Variants in SLC39A11 observed in about 807,000 individuals in gnomAD.
SLC39A11 encodes zinc transporter ZIP11.
A neutral mutation model predicts 36.1 loss-of-function variants in SLC39A11; 33 were observed. That is an observed-to-expected ratio of 0.91 (90% CI 0.69 to 1.22). The LOEUF (loss-of-function observed/expected upper bound fraction) is 1.22. SLC39A11 is among the 50% of genes most tolerant of loss of function. The pLI is 0.00. For synonymous variants in SLC39A11, 166 were observed against 170.3 expected (o/e 0.97, Z 0.20); for missense variants, 432 against 430.3 (o/e 1.00, Z -0.03).
intron 3 of SLC39A11, among the ~76,000 whole-genome samples, chr17:73,081,918 T>C (rs974326607): frequency 2.0e-5 from 3 of 150,802 alleles, no homozygotes; most frequent in African/African-American, 4.9e-5. Context: ...GGAGCTAAGC[T>C]AGGCATAAGA....
At chr17:72,941,024 C>T (rs778185175) in intron 5 of SLC39A11, among the ~76,000 whole-genome samples, 1 of 152,164 alleles carries the variant, frequency 6.6e-6, no homozygotes, top group Non-Finnish European at 1.5e-5. Context: ...GGAAAGACCA[C>T]GCTTTGGGAG....
At chr17:72,686,441 G>A (rs758144275) in intron 7 of SLC39A11, among the ~76,000 whole-genome samples, 4 of 152,126 alleles carry the variant, frequency 2.6e-5, no homozygotes, top group Non-Finnish European at 4.4e-5. Context: ...CGCTCCACCC[G>A]TCTCCTTACC....
chr17:72,968,358 T>A (rs768286782), intron 4 of SLC39A11, among the ~76,000 whole-genome samples: 7 of 152,146 alleles, frequency 4.6e-5, no homozygotes, highest in African/African-American at 1.4e-4. Context: ...TGACGATCTC[T>A]CTCTCTCTCT....
chr17:72,844,632 G>A (rs1020988157), intron 6 of SLC39A11, among the ~76,000 whole-genome samples: 28 of 152,250 alleles, frequency 1.8e-4, no homozygotes, highest in African/African-American at 6.3e-4. Context: ...TTGCGCCACT[G>A]CACTCCAGCC....
chr17:72,647,423 TA>T lies in SLC39A11; in HGVS notation c.*160del. Reference sequence around the variant, plus strand: ...ATCAAAAATCTCCCTCAAAGCAAAGTAAAAATGGTTCTATTATAATCAGAGT... The same window carrying T: ...ATCAAAAATCTCCCTCAAAGCAAAGTAAAATGGTTCTATTATAATCAGAGT... On this transcript the variant is annotated 3_prime_UTR_variant, in exon 10 of 10. Transcript: ENST00000255559. 2 of 493,246 alleles carry T rather than the reference TA, an allele frequency of 4.1e-6. No individual in the cohort carries two copies. Among genetic ancestry groups the T allele is most frequent in the Non-Finnish European group, 3.6e-6 (1 of 280,362 alleles). The allele number at this position is 493,246 out of a possible 1,614,324, so 30.6% of individuals were successfully genotyped here.
At chr17:72,852,706 G>C (rs2146061319) in intron 5 of SLC39A11, among the ~76,000 whole-genome samples, 1 of 152,314 alleles carries the variant, frequency 6.6e-6, no homozygotes, top group East Asian at 1.9e-4. Context: ...ATTGGGGGAA[G>C]GGGTTTTATA....
chr17:72,951,581 C>G (rs1384227570), intron 4 of SLC39A11, among the ~76,000 whole-genome samples: 1 of 151,998 alleles, frequency 6.6e-6, no homozygotes, highest in South Asian at 2.1e-4. Context: ...GATAATAAAC[C>G]CATCATGATA....
At chr17:73,058,269 G>A (rs1568204720) in intron 3 of SLC39A11, among the ~76,000 whole-genome samples, 1 of 152,134 alleles carries the variant, frequency 6.6e-6, no homozygotes, top group Non-Finnish European at 1.5e-5. Flanking sequence ...GCAATAATGA[G>A]TAATCGAAGT....
intron 5 of SLC39A11, among the ~76,000 whole-genome samples, chr17:72,886,228 C>T (rs2081431912): frequency 6.6e-6 from 1 of 152,196 alleles, no homozygotes; most frequent in Non-Finnish European, 1.5e-5. Context: ...CAATCTCAAC[C>T]AATCTCATGA....
At chr17:72,919,415 A>C (rs2083511243) in intron 5 of SLC39A11, among the ~76,000 whole-genome samples, 1 of 152,122 alleles carries the variant, frequency 6.6e-6, no homozygotes, top group Admixed American at 6.6e-5. Context: ...CCACAGCAAC[A>C]ACGATGAATA....
chr17:72,951,587 T>G (rs977600631), intron 4 of SLC39A11, among the ~76,000 whole-genome samples: 1 of 152,140 alleles, frequency 6.6e-6, no homozygotes, highest in Admixed American at 6.5e-5. Flanking sequence ...AAACCCATCA[T>G]GATAAACTAA....
intron 7 of SLC39A11, among the ~76,000 whole-genome samples, chr17:72,719,586 G>T (rs183991285): frequency 6.6e-6 from 1 of 152,356 alleles, no homozygotes; most frequent in East Asian, 1.9e-4. Context: ...GTAACAAGCT[G>T]TTGGGGAGGA....
chr17:72,988,044 T>C (rs1261716599), intron 4 of SLC39A11, among the ~76,000 whole-genome samples: 1 of 152,194 alleles, frequency 6.6e-6, no homozygotes, highest in African/African-American at 2.4e-5. Context: ...GTCCATGAGA[T>C]GTTTTGACAC....
At chr17:72,664,993 C>T (rs770713224) in intron 7 of SLC39A11, among the ~76,000 whole-genome samples, 6 of 152,214 alleles carry the variant, frequency 3.9e-5, no homozygotes, top group Non-Finnish European at 8.8e-5. Context: ...ATCAGTGGCT[C>T]ATTTCTTCAA....
intron 4 of SLC39A11, among the ~76,000 whole-genome samples, chr17:72,953,210 C>A (rs759231932): frequency 1.3e-5 from 2 of 152,072 alleles, no homozygotes; most frequent in Non-Finnish European, 2.9e-5. Context: ...CATAATGATT[C>A]TTCTTCTTGG....
At chr17:72,678,836 G>C (rs1227837562) in intron 7 of SLC39A11, among the ~76,000 whole-genome samples, 1 of 152,150 alleles carries the variant, frequency 6.6e-6, no homozygotes, top group Admixed American at 6.5e-5. Flanking sequence ...AATAGTGCTT[G>C]AGGCTGTTCA....
intron 3 of SLC39A11, among the ~76,000 whole-genome samples, chr17:73,079,817 G>T (rs2060454856): frequency 1.3e-5 from 2 of 152,184 alleles, no homozygotes; most frequent in Admixed American, 1.3e-4. Flanking sequence ...CAAGATTAAT[G>T]TATACATATC....
chr17:73,044,878 G>GGAAA (rs1568179251), intron 3 of SLC39A11, among the ~76,000 whole-genome samples: 2 of 119,040 alleles, frequency 1.7e-5, no homozygotes. Flanking sequence ...CTCTGTCTCA[G>GGAAA]AAAAAAAAAA....
At chr17:72,900,130 GAAAGAAAGAAAAAGAAAGAAAGA>G (rs2082276018) in intron 5 of SLC39A11, among the ~76,000 whole-genome samples, 3 of 91,268 alleles carry the variant, frequency 3.3e-5, no homozygotes, top group African/African-American at 1.4e-4. Context: ...AGAAAAGAAA[GAAAGAAAGAAAAAGAAAGAAAGA>G]AAAGAAAGAA....
Sources: allele counts gnomAD v4.1 joint callset (sites outside exome capture counted in the v4.1 genomes callset), GRCh38; gene constraint gnomAD v4.1.1; transcripts MANE v1.5; gene names NCBI Gene and HGNC (gene_info 2026-07-23, HGNC 2026-07-21).